The following SLC38A8 variants were observed in gnomAD, a reference collection of about 807,000 sequenced individuals.
SLC38A8 encodes the protein amino acid transporter SLC38A8.
In SLC38A8, 65 loss-of-function variants were observed where a neutral mutation model predicts 46.0. The ratio of observed to expected loss-of-function variants is 1.41; its 90% CI spans 1.16 to 1.74. The LOEUF is 1.74. SLC38A8 is among the 40% of genes most tolerant of loss of function. SLC38A8 has a pLI of 0.00. For missense variants in SLC38A8, 998 were observed against 567.9 expected (o/e 1.76, Z -7.70); for synonymous variants, 447 against 243.7 (o/e 1.83, Z -7.77).
At chr16:84,015,633 C>T (rs993663893) in intron 9 of SLC38A8, among the ~76,000 whole-genome samples, 1 of 152,050 alleles carries the variant, frequency 6.6e-6, no homozygotes, top group Non-Finnish European at 1.5e-5. Context: ...AACGTTCCTA[C>T]GTCAAGAATG....
chr16:84,016,344 T>C (rs1386895509), intron 9 of SLC38A8, among the ~76,000 whole-genome samples, 175 bp downstream of exon 9: 1 of 152,146 alleles, frequency 6.6e-6, no homozygotes, highest in African/African-American at 2.4e-5. Flanking sequence ...TGAGGGAAGG[T>C]ATGTAAAGCC....
At chr16:84,024,867 G>C (rs561822311) in intron 6 of SLC38A8, among the ~76,000 whole-genome samples, 40 of 152,256 alleles carry the variant, frequency 2.6e-4, no homozygotes, top group Admixed American at 1.4e-3. Context: ...TTTTGGTAGA[G>C]ACAGGGTTTC....
intron 10 of SLC38A8, among the ~76,000 whole-genome samples, chr16:84,011,756 C>G (rs113190222): frequency 6.6e-6 from 1 of 152,172 alleles, no homozygotes; most frequent in East Asian, 1.9e-4. Flanking sequence ...TGATGGTGGG[C>G]GTCTGTGGTC....
In SLC38A8 at chr16:84,042,048, G is replaced by A. The variant is rs776818841; in HGVS notation, c.110C>T (p.Ala37Val). ...MGAVFILMKS[A>V]LGAGLLNFPW... ...GAAGTTGAGCAGGCCAGCTCCCAGCGCGGACTTCATGAGGATGAAGACAGC... is the reference window on the plus strand; with the variant it reads ...GAAGTTGAGCAGGCCAGCTCCCAGCACGGACTTCATGAGGATGAAGACAGC... Residue 37 changes from alanine to valine, a missense_variant, in exon 2 of 11, where the codon GCG (alanine) becomes GTG (valine). Coordinates refer to ENST00000299709, the MANE Select transcript of SLC38A8 (RefSeq NM_001080442.3). 4.1e-5 allele frequency: 66 copies of A among 1,613,966 alleles called. No individual in the cohort carries two copies. Among genetic ancestry groups the A allele is most frequent in the Middle Eastern group, 3.3e-4 (2 of 6,058 alleles).
At chr16:84,025,197 C>T (rs1222331364) in intron 6 of SLC38A8, among the ~76,000 whole-genome samples, 1 of 152,156 alleles carries the variant, frequency 6.6e-6, no homozygotes, top group Non-Finnish European at 1.5e-5. Flanking sequence ...AGGGTTCTTC[C>T]CAGGCTCCTG....
At chr16:84,020,675 C>T (rs140432772) in intron 7 of SLC38A8, among the ~76,000 whole-genome samples, 1 of 152,210 alleles carries the variant, frequency 6.6e-6, no homozygotes, top group African/African-American at 2.4e-5. Flanking sequence ...GTAGGATAGC[C>T]TGTGGAGGCA....
chr16:84,038,082 G>A (rs150580695), intron 2 of SLC38A8, among the ~76,000 whole-genome samples: 255 of 151,730 alleles, frequency 1.7e-3, no homozygotes, highest in African/African-American at 5.9e-3. Flanking sequence ...AGGCCAAGGC[G>A]GGAGGATCAC....
rs372497877 is a variant in SLC38A8 at position 84,034,927 on chromosome 16, G to C, written c.389-1458C>G. The stretch of plus-strand genomic sequence containing the variant: ...CGTTCCCGGATGCTTGAGATCTTTG[G>C]CACCAAAGACATGGTCAATTGTACC... On this transcript the variant is annotated intron_variant, in intron 3 of 10. Coordinates refer to ENST00000299709, the MANE Select transcript of SLC38A8 (RefSeq NM_001080442.3). Among the ~76,000 whole-genome samples, 12 of 152,194 alleles carry C rather than the reference G, an allele frequency of 7.9e-5. No homozygotes were observed. In the South Asian group the frequency reaches 1.5e-3, roughly 18 times the overall value.
intron 2 of SLC38A8, chr16:84,041,136 G>A (rs773099570): frequency 6.6e-6 from 1 of 152,414 alleles, no homozygotes; most frequent in African/African-American, 2.4e-5. Flanking sequence ...GTGCTCATCA[G>A]TGGCTCTCCC....
At chr16:84,018,004 T>A (rs757069970) in intron 7 of SLC38A8, among the ~76,000 whole-genome samples, 2 of 152,114 alleles carry the variant, frequency 1.3e-5, no homozygotes, top group African/African-American at 2.4e-5. Context: ...GTTTCCTGGA[T>A]AACCACAGTA....
intron 6 of SLC38A8, 58 bp from the exon 7 acceptor site, chr16:84,022,947 A>G: frequency 7.8e-7 from 1 of 1,276,382 alleles, no homozygotes; most frequent in Non-Finnish European, 1.1e-6. Context: ...AGGCGATGCG[A>G]AAAAAAACTC....
At chr16:84,036,575 G>C in intron 3 of SLC38A8, 127 bp downstream of exon 3, 1 of 1,043,358 alleles carries the variant, frequency 9.6e-7, no homozygotes, top group Non-Finnish European at 1.4e-6. Flanking sequence ...GAACAAGAGT[G>C]TGGTTTCAGC....
chr16:84,033,374 GGATGACCAGCAC>G lies in SLC38A8; in HGVS notation c.472_483del (p.Val158_Ile161del), dbSNP rs761164259. ...ATCTCCCGCGGGGCAGACAGGGGCA[GGATGACCAGCAC>G]GGAGAGCAGGGGCAGGGTGAAGCGC... On this transcript the variant is annotated inframe_deletion, in exon 4 of 11. Coordinates refer to ENST00000299709, the MANE Select transcript of SLC38A8 (RefSeq NM_001080442.3). 6.2e-7 allele frequency: 1 copy of G among 1,614,070 alleles called. No individual in the cohort carries two copies.
intron 5 of SLC38A8, among the ~76,000 whole-genome samples, chr16:84,031,269 G>A (rs2085234865): frequency 6.6e-6 from 1 of 152,040 alleles, no homozygotes. Context: ...TTGAACTCCT[G>A]ACCTCAAGTG....
chr16:84,034,938 A>T (rs533288576), intron 3 of SLC38A8, among the ~76,000 whole-genome samples: 1 of 152,292 alleles, frequency 6.6e-6, no homozygotes, highest in African/African-American at 2.4e-5. Context: ...CACCAAAGAC[A>T]TGGTCAATTG....
At chr16:84,029,862 G>A (rs1476622716) in intron 5 of SLC38A8, among the ~76,000 whole-genome samples, 4 of 152,206 alleles carry the variant, frequency 2.6e-5, no homozygotes, top group Non-Finnish European at 5.9e-5. Flanking sequence ...TCCCAGTGCG[G>A]TTTGGTAATT....
intron 2 of SLC38A8, among the ~76,000 whole-genome samples, chr16:84,038,641 T>C (rs921988484): frequency 1.3e-5 from 2 of 152,212 alleles, no homozygotes; most frequent in Non-Finnish European, 2.9e-5. Flanking sequence ...CTGGAAGATG[T>C]ACAATGCACA....
At chr16:84,019,947 C>T (rs545651525) in intron 7 of SLC38A8, among the ~76,000 whole-genome samples, 130 of 152,338 alleles carry the variant, frequency 8.5e-4, no homozygotes, top group Non-Finnish European at 1.6e-3. Flanking sequence ...TACGGCTTTG[C>T]CGGGTACAGC....
chr16:84,042,298 C>A, intron 1 of SLC38A8, 139 bp from the exon 2 acceptor site: 1 of 890,440 alleles, frequency 1.1e-6, no homozygotes, highest in Non-Finnish European at 1.7e-6. Flanking sequence ...TCAGCTCCCC[C>A]TTTCCAAAGG....
Sources: gnomAD v4.1 joint callset for allele counts (sites outside exome capture counted in the v4.1 genomes callset) on GRCh38, gnomAD v4.1.1 for gene constraint, MANE v1.5 for transcripts, NCBI Gene and HGNC (gene_info 2026-07-23, HGNC 2026-07-21) for gene names.